NELL1: variants seen among roughly 807,000 people sequenced by gnomAD.
The protein encoded by NELL1 is neural EGFL like 1.
A neutral mutation model predicts 107.4 loss-of-function variants in NELL1; 76 were observed. That is an observed-to-expected ratio of 0.71 (90% CI 0.59 to 0.86). The LOEUF (loss-of-function observed/expected upper bound fraction) is 0.86. Ranked by LOEUF, NELL1 falls within the 40% of genes least tolerant of loss-of-function variation. The pLI is 0.00. For synonymous variants in NELL1, 353 were observed against 341.2 expected, an observed-to-expected ratio of 1.03 and a Z score of -0.38; for missense variants, 1,024 against 1,005.5, an observed-to-expected ratio of 1.02 and a Z score of -0.25.
intron 12 of NELL1, among the ~76,000 whole-genome samples, chr11:20,978,367 A>G (rs1851682225): frequency 6.6e-6 from 1 of 152,166 alleles, no homozygotes; most frequent in Non-Finnish European, 1.5e-5. Context: ...CGATTTACCC[A>G]AGTTTATACT....
intron 17 of NELL1, among the ~76,000 whole-genome samples, chr11:21,564,478 C>CA (rs1272051880): frequency 6.6e-6 from 1 of 151,822 alleles, no homozygotes; most frequent in Non-Finnish European, 1.5e-5. Context: ...CCAGGGTCTG[C>CA]AAGTTGGGCT....
chr11:20,701,801 C>G (rs1310201383), intron 2 of NELL1, among the ~76,000 whole-genome samples: 2 of 152,050 alleles, frequency 1.3e-5, no homozygotes, highest in Non-Finnish European at 2.9e-5. Context: ...TCAGGTTTGT[C>G]AAAGATCAGA....
intron 13 of NELL1, among the ~76,000 whole-genome samples, chr11:21,145,981 G>A (rs1163693653): frequency 6.6e-6 from 1 of 152,138 alleles, no homozygotes; most frequent in Non-Finnish European, 1.5e-5. Flanking sequence ...CGTATTGGTT[G>A]AGAGACTGTG....
intron 2 of NELL1, among the ~76,000 whole-genome samples, chr11:20,779,236 T>C (rs1856809215): frequency 6.6e-6 from 1 of 152,198 alleles, no homozygotes; most frequent in South Asian, 2.1e-4. Flanking sequence ...GGTGTTGGTT[T>C]AGGGATGACA....
chr11:21,517,245 C>A (rs1015580295), intron 15 of NELL1, among the ~76,000 whole-genome samples: 4 of 152,158 alleles, frequency 2.6e-5, no homozygotes, highest in African/African-American at 9.7e-5. Flanking sequence ...GAATTTGCAA[C>A]TGAAAGCTCA....
intron 12 of NELL1, among the ~76,000 whole-genome samples, chr11:21,040,718 G>A (rs1338553834): frequency 1.3e-5 from 2 of 152,108 alleles, no homozygotes; most frequent in South Asian, 2.1e-4. Context: ...TCCAATTTCA[G>A]TAGTTTTCAT....
chr11:21,121,895 C>G (rs150036418), intron 13 of NELL1, among the ~76,000 whole-genome samples: 13 of 152,108 alleles, frequency 8.5e-5, no homozygotes, highest in East Asian at 7.7e-4. Context: ...CTGGAAAAGC[C>G]AAAGACCACA....
intron 14 of NELL1, among the ~76,000 whole-genome samples, chr11:21,292,976 A>G (rs1344583252): frequency 6.6e-6 from 1 of 152,222 alleles, no homozygotes; most frequent in Non-Finnish European, 1.5e-5. Context: ...TAAAAACCCT[A>G]GAAGAAAACC....
At chr11:20,993,919 G>T (rs990553237) in intron 12 of NELL1, among the ~76,000 whole-genome samples, 2 of 148,480 alleles carry the variant, frequency 1.3e-5, no homozygotes, top group African/African-American at 4.9e-5. Context: ...AAATCAGTAC[G>T]AATCAGGCAT....
chr11:20,756,543 A>C (rs1399318097), intron 2 of NELL1, among the ~76,000 whole-genome samples: 2 of 66,332 alleles, frequency 3.0e-5, no homozygotes, highest in East Asian at 1.1e-3. Flanking sequence ...TTTTTTTTTT[A>C]GTAGAGACAG....
intron 14 of NELL1, among the ~76,000 whole-genome samples, chr11:21,263,828 C>T (rs1379930526): frequency 6.6e-6 from 1 of 151,896 alleles, no homozygotes; most frequent in Admixed American, 6.6e-5. Context: ...ATCACTCCTT[C>T]ATCTGCTTCT....
chr11:21,029,165 A>G (rs967822588), intron 12 of NELL1, among the ~76,000 whole-genome samples: 1 of 152,120 alleles, frequency 6.6e-6, no homozygotes, highest in Non-Finnish European at 1.5e-5. Context: ...AATCGTATTC[A>G]TTAAAGGGGG....
intron 2 of NELL1, among the ~76,000 whole-genome samples, chr11:20,725,963 A>G (rs1251491610): frequency 6.6e-6 from 1 of 152,124 alleles, no homozygotes; most frequent in Non-Finnish European, 1.5e-5. Flanking sequence ...CATGTTTCCC[A>G]ATGTTTAGCT....
chr11:20,814,236 C>T (rs987173903), intron 3 of NELL1, among the ~76,000 whole-genome samples: 8 of 152,152 alleles, frequency 5.3e-5, no homozygotes, highest in South Asian at 2.1e-4. Context: ...CCTCGTGATC[C>T]GCCCGCCTCG....
At chr11:20,884,763 T>C (rs1301476150) in intron 4 of NELL1, among the ~76,000 whole-genome samples, 1 of 152,210 alleles carries the variant, frequency 6.6e-6, no homozygotes, top group Non-Finnish European at 1.5e-5. Context: ...ATTTTTATCT[T>C]ACTTTTCCTC....
chr11:21,337,827 T>G (rs7941076), intron 14 of NELL1, among the ~76,000 whole-genome samples: 25,598 of 105,134 alleles, frequency 0.24, 3,249 homozygotes, highest in East Asian at 0.49. Flanking sequence ...CTTCTTTCTT[T>G]CTTTCTTTCT....
intron 16 of NELL1, among the ~76,000 whole-genome samples, chr11:21,545,127 C>G (rs932022475): frequency 6.6e-6 from 1 of 152,002 alleles, no homozygotes; most frequent in African/African-American, 2.4e-5. Flanking sequence ...GTTAAATGTT[C>G]CCAGTCATAA....
At chr11:20,732,321 A>G (rs66956842) in intron 2 of NELL1, among the ~76,000 whole-genome samples, 18,188 of 152,132 alleles carry the variant, frequency 0.12, 1,198 homozygotes, top group Non-Finnish European at 0.15. Context: ...GTTAAGCTCC[A>G]TCTTTAATCC....
intron 13 of NELL1, among the ~76,000 whole-genome samples, chr11:21,183,189 A>G (rs1340741120): frequency 6.6e-6 from 1 of 151,896 alleles, no homozygotes; most frequent in Non-Finnish European, 1.5e-5. Flanking sequence ...CCTCAGTATA[A>G]TATAATCTTA....
Sources: gnomAD v4.1 joint callset for allele counts (sites outside exome capture counted in the v4.1 genomes callset) on GRCh38, gnomAD v4.1.1 for gene constraint, MANE v1.5 for transcripts, NCBI Gene and HGNC (gene_info 2026-07-23, HGNC 2026-07-21) for gene names.